Variants in RABGAP1L observed in about 807,000 individuals in gnomAD.
RABGAP1L encodes rab GTPase-activating protein 1-like.
RABGAP1L carries 63 observed loss-of-function variants against 137.7 expected under a neutral mutation model. The observed-to-expected ratio is 0.46, with a 90% CI of 0.37 to 0.56. The LOEUF (loss-of-function observed/expected upper bound fraction) is 0.56. Among genes scored for constraint, RABGAP1L ranks in the 20% least tolerant of loss-of-function variants. The pLI, the probability that RABGAP1L is intolerant of heterozygous loss-of-function variation, is 0.00. For missense variants in RABGAP1L, 1,095 were observed against 1,244.0 expected (o/e 0.88, Z 1.80); for synonymous variants, 431 against 433.7 (o/e 0.99, Z 0.08).
At chr1:174,198,846 C>T (rs1275201941) in intron 1 of RABGAP1L, among the ~76,000 whole-genome samples, 1 of 152,272 alleles carries the variant, frequency 6.6e-6, no homozygotes, top group South Asian at 2.1e-4. Context: ...TGGTGGCTCA[C>T]GCCTATAATC....
At chr1:174,654,551 C>T (rs370726757) in intron 14 of RABGAP1L, among the ~76,000 whole-genome samples, 6 of 152,024 alleles carry the variant, frequency 3.9e-5, no homozygotes, top group African/African-American at 1.2e-4. Context: ...ATCAAAAGTC[C>T]AAGAATGTAA....
intron 20 of RABGAP1L, among the ~76,000 whole-genome samples, chr1:174,966,381 T>C (rs1669625515): frequency 6.6e-6 from 1 of 152,230 alleles, no homozygotes; most frequent in Non-Finnish European, 1.5e-5. Flanking sequence ...GCAGCCTGCA[T>C]TGTGAAATAT....
chr1:174,849,872 A>G (rs1647951875), intron 19 of RABGAP1L: 1 of 570,500 alleles, frequency 1.8e-6, no homozygotes, highest in East Asian at 4.8e-5. Flanking sequence ...TATTAAAGTG[A>G]TGGCCAAAAG....
At chr1:174,516,160 C>CAT (rs1430808667) in intron 13 of RABGAP1L, among the ~76,000 whole-genome samples, 2 of 149,262 alleles carry the variant, frequency 1.3e-5, no homozygotes, top group African/African-American at 4.9e-5. Context: ...CACACACACA[C>CAT]ACACACGCTT....
chr1:174,387,890 T>C (rs1390196352), intron 12 of RABGAP1L, among the ~76,000 whole-genome samples: 2 of 152,156 alleles, frequency 1.3e-5, no homozygotes, highest in Non-Finnish European at 2.9e-5. Context: ...ATTCAAATTT[T>C]TTTTATTTGG....
At chr1:174,304,245 T>G (rs1677987913) in intron 10 of RABGAP1L, among the ~76,000 whole-genome samples, 1 of 152,114 alleles carries the variant, frequency 6.6e-6, no homozygotes, top group Admixed American at 6.6e-5. Flanking sequence ...TTTCCAATGT[T>G]GAACCAGCTT....
intron 15 of RABGAP1L, among the ~76,000 whole-genome samples, chr1:174,691,868 A>C (rs550014007): frequency 6.6e-6 from 1 of 152,262 alleles, no homozygotes; most frequent in South Asian, 2.1e-4. Context: ...TACCTCGTGG[A>C]GGAATTGCAC....
At chr1:174,327,984 C>CATATATATATATATATATAT (rs1314813386) in intron 11 of RABGAP1L, among the ~76,000 whole-genome samples, 4 of 37,864 alleles carry the variant, frequency 1.1e-4, no homozygotes, top group African/African-American at 4.4e-4. Context: ...TATATACACA[C>CATATATATATATATATATAT]ACATATATAT....
intron 3 of RABGAP1L, among the ~76,000 whole-genome samples, chr1:174,222,817 A>G (rs745451084): frequency 1.3e-5 from 2 of 152,188 alleles, no homozygotes; most frequent in Non-Finnish European, 2.9e-5. Context: ...AGTATTTAAG[A>G]AAGTGAATGG....
At chr1:174,174,165 A>C (rs1369523683) in intron 1 of RABGAP1L, among the ~76,000 whole-genome samples, 1 of 151,416 alleles carries the variant, frequency 6.6e-6, no homozygotes, top group Non-Finnish European at 1.5e-5. Flanking sequence ...TTCTGACAAC[A>C]TGATAGCAAT....
At chr1:174,194,250 T>C (rs1667413233) in intron 1 of RABGAP1L, among the ~76,000 whole-genome samples, 1 of 151,372 alleles carries the variant, frequency 6.6e-6, no homozygotes, top group Non-Finnish European at 1.5e-5. Context: ...TTTTTTTTTT[T>C]TGGAGACGGA....
intron 19 of RABGAP1L, chr1:174,875,691 T>C (rs374557169): frequency 1.0e-6 from 1 of 985,340 alleles, no homozygotes. Context: ...AAAGTACTTC[T>C]GAAAAGATAA....
intron 11 of RABGAP1L, among the ~76,000 whole-genome samples, chr1:174,309,113 G>T (rs1678575642): frequency 1.3e-5 from 2 of 151,910 alleles, no homozygotes; most frequent in Non-Finnish European, 1.5e-5. Context: ...TTATTTCTAA[G>T]TATTTATCTT....
At position 174,990,220 on chromosome 1, in the gene RABGAP1L, A is replaced by G. The variant is rs575450578; in HGVS notation, c.*219A>G. 2.5e-4 allele frequency: 129 copies of G among 508,424 alleles called. No homozygotes were observed. Among genetic ancestry groups the G allele is most frequent in the Non-Finnish European group, 3.8e-4 (112 of 298,114 alleles). The allele number at this position is 508,424 out of a possible 1,614,324, so 31.5% of individuals were successfully genotyped here. A position where few individuals can be genotyped will look rare whatever the true frequency, so the allele number is the denominator to read the frequency against. On this transcript the variant is annotated 3_prime_UTR_variant, in exon 26 of 26. Coordinates refer to ENST00000681986, the MANE Select transcript of RABGAP1L (RefSeq NM_001366446.1). ...CCTATTTTCCAGCTTCTGGAAGGCC[A>G]TGTTCAGATCCATCATAGTATTACA...
intron 18 of RABGAP1L, among the ~76,000 whole-genome samples, chr1:174,802,451 T>C (rs1420835386): frequency 6.6e-6 from 1 of 152,098 alleles, no homozygotes; most frequent in Non-Finnish European, 1.5e-5. Flanking sequence ...CTACTAAAAA[T>C]ACAAAATTAG....
chr1:174,822,223 TG>T (rs1482713879), intron 19 of RABGAP1L, among the ~76,000 whole-genome samples: 1 of 152,230 alleles, frequency 6.6e-6, no homozygotes, highest in Non-Finnish European at 1.5e-5. Context: ...ATTGCACCGC[TG>T]CACTGCAAGC....
intron 13 of RABGAP1L, among the ~76,000 whole-genome samples, chr1:174,607,780 C>T (rs1670895316): frequency 6.6e-6 from 1 of 152,180 alleles, no homozygotes; most frequent in Non-Finnish European, 1.5e-5. Context: ...CTTCATAAAG[C>T]ATTTTAGCCT....
rs778919719 is a variant in RABGAP1L, at chr1:174,975,995, T to C, written c.2545-83T>C. On this transcript the variant is annotated intron_variant, in intron 21 of 25. Coordinates refer to ENST00000681986, the MANE Select transcript of RABGAP1L (RefSeq NM_001366446.1). ...ATAATTTTGGAACAGCAACTGAAGA[T>C]TGGGTTTGGAGAAGATTTCCACACA... The C allele has an allele frequency of 1.4e-4, 177 of 1,262,764 alleles. 1 individual carries two copies. Among genetic ancestry groups the C allele is most frequent in the Admixed American group, 7.2e-4 (33 of 45,862 alleles). 78.2% of individuals were successfully genotyped at this position (1,262,764 alleles called of 1,614,324 possible). A position where few individuals can be genotyped will look rare whatever the true frequency, so the allele number is the denominator to read the frequency against.
chr1:174,284,827 A>G (rs1675921233), intron 10 of RABGAP1L, among the ~76,000 whole-genome samples: 1 of 127,028 alleles, frequency 7.9e-6, no homozygotes, highest in Non-Finnish European at 1.6e-5. Flanking sequence ...ATTGCTATGG[A>G]TATTCGGGTT....
Sources: allele counts gnomAD v4.1 joint callset (sites outside exome capture counted in the v4.1 genomes callset), GRCh38; gene constraint gnomAD v4.1.1; transcripts MANE v1.5; gene names NCBI Gene and HGNC (gene_info 2026-07-23, HGNC 2026-07-21).